The following OR2L5 variants were observed in gnomAD, a reference collection of about 807,000 sequenced individuals.
OR2L5 encodes olfactory receptor family 2 subfamily L member 5.
For missense variants in OR2L5, 413 were observed against 381.6 expected (o/e 1.08, Z -0.69); for synonymous variants, 169 against 142.0 (o/e 1.19, Z -1.35).
chr1:248,020,706 A>G (rs182805032), intron 1 of OR2L5, among the ~76,000 whole-genome samples: 19 of 152,264 alleles, frequency 1.2e-4, no homozygotes, highest in African/African-American at 4.6e-4. Flanking sequence ...ACATTTTTAG[A>G]TAGAAGAACC....
Position 248,022,990 on chromosome 1 carries a change from T to C in OR2L5, c.*104T>C. On this transcript the variant is annotated 3_prime_UTR_variant, in exon 2 of 2. Coordinates refer to ENST00000355281, the MANE Select transcript of OR2L5 (RefSeq NM_001258284.2). ...ACATGCCCAGTATGTCAAACAGAGA[T>C]TAATCCAGAATGTTTGTCTTTTAAT... 9.5e-7 allele frequency: 1 copy of C among 1,051,576 alleles called. No homozygotes were observed. Among genetic ancestry groups the C allele is most frequent in the South Asian group, 1.8e-5 (1 of 54,288 alleles). The allele number at this position is 1,051,576 out of a possible 1,614,324, so 65.1% of individuals were successfully genotyped here. A position where few individuals can be genotyped will look rare whatever the true frequency, so the allele number is the denominator to read the frequency against.
chr1:248,016,768 T>C (rs143861483), intron 1 of OR2L5, among the ~76,000 whole-genome samples: 2,099 of 152,114 alleles, frequency 0.014, 17 homozygotes, highest in Middle Eastern at 0.028. Context: ...GATATGTATG[T>C]GTGTATATAA....
In OR2L5 at chr1:248,022,560, T is replaced by C. The variant is rs1163918189; in HGVS notation, c.613T>C (p.Phe205Leu). 6.2e-7 allele frequency: 1 copy of C among 1,614,210 alleles called. No individual in the cohort carries two copies. Among genetic ancestry groups the C allele is most frequent in the African/African-American group, 1.3e-5 (1 of 75,056 alleles). ...EYTVFLSSTIFLVFPFTGIAC... is the reference protein window; with the variant it reads ...EYTVFLSSTILLVFPFTGIAC... ...CACAGTGTTTTTGAGCAGCACCATC[T>C]TTCTTGTGTTTCCCTTCACTGGCAT... Residue 205 changes from phenylalanine to leucine, a missense_variant, in exon 2 of 2, where the codon TTT becomes CTT. Coordinates refer to ENST00000355281, the MANE Select transcript of OR2L5 (RefSeq NM_001258284.2).
rs1205167273 is a variant in OR2L5, at chr1:248,023,606, C to T, written c.*720C>T. Reference sequence around the variant, plus strand: ...TTCTCTTCTGAACAATTTTTTTCTACTTACTCTTCAAAATCAGCAAGTCTA... The same window carrying T: ...TTCTCTTCTGAACAATTTTTTTCTATTTACTCTTCAAAATCAGCAAGTCTA... On this transcript the variant is annotated 3_prime_UTR_variant, in exon 2 of 2. Coordinates refer to ENST00000355281, the MANE Select transcript of OR2L5 (RefSeq NM_001258284.2). 1 of 152,178 alleles carries T rather than the reference C, an allele frequency of 6.6e-6. No homozygotes were observed. The highest frequency in any genetic ancestry group is 1.5e-5 in the Non-Finnish European group (1 of 68,036). The allele number at this position is 152,178 out of a possible 1,614,324, so 9.4% of individuals were successfully genotyped here. A position where few individuals can be genotyped will look rare whatever the true frequency, so the allele number is the denominator to read the frequency against.
rs778221178 is a variant in OR2L5, at chr1:248,021,958, A to C, written c.11A>C (p.Tyr4Ser). 17 of 1,612,404 alleles carry C rather than the reference A, an allele frequency of 1.1e-5. No individual in the cohort carries two copies. Among genetic ancestry groups the C allele is most frequent in the Non-Finnish European group, 1.4e-5 (17 of 1,178,954 alleles). MENYNQTSTDFILL... is the reference protein window; with the variant it reads MENSNQTSTDFILL... ...TCGTATGAATGCCCCATGGAAAATT[A>C]CAATCAAACGTCAACTGATTTCATC... The change falls in exon 2 of 2, where the codon TAC becomes TCC. Residue 4 changes from tyrosine to serine, a missense_variant. Transcript: ENST00000355281.
Position 248,021,975 on chromosome 1 carries a change from G to T in OR2L5, c.28G>T (p.Asp10Tyr), listed in dbSNP as rs750421804. Residue 10 changes from aspartate (D) to tyrosine (Y), a missense_variant, in exon 2 of 2, where the codon GAT (aspartate) becomes TAT (tyrosine). Asp to Tyr is a radical substitution (Grantham distance 160). Coordinates refer to ENST00000355281, the MANE Select transcript of OR2L5 (RefSeq NM_001258284.2). MENYNQTSTDFILLGLFPPS... is the reference protein window; with the variant it reads MENYNQTSTYFILLGLFPPS... ...GGAAAATTACAATCAAACGTCAACT[G>T]ATTTCATCTTATTGGGGCTGTTCCC... 1.1e-5 allele frequency: 17 copies of T among 1,613,450 alleles called. No homozygotes were observed. Among genetic ancestry groups the T allele is most frequent in the Non-Finnish European group, 1.4e-5 (17 of 1,179,722 alleles).
At chr1:248,015,357 C>T (rs933212492) in intron 1 of OR2L5, among the ~76,000 whole-genome samples, 2 of 152,112 alleles carry the variant, frequency 1.3e-5, no homozygotes, top group Non-Finnish European at 1.5e-5. Flanking sequence ...GCCGTCCTTG[C>T]CTATACTCCG....
intron 1 of OR2L5, among the ~76,000 whole-genome samples, chr1:248,018,124 C>T (rs971152720): frequency 2.0e-5 from 3 of 147,932 alleles, no homozygotes; most frequent in Admixed American, 1.3e-4. Flanking sequence ...CACTGCACTC[C>T]AGCCTAGGCG....
intron 1 of OR2L5, among the ~76,000 whole-genome samples, chr1:248,018,950 A>T (rs1353218125): frequency 6.6e-6 from 1 of 152,182 alleles, no homozygotes; most frequent in Non-Finnish European, 1.5e-5. Context: ...ATCAAAGTTC[A>T]TCTATGTTGT....
chr1:248,022,130 G>C lies in OR2L5; in HGVS notation c.183G>C (p.Leu61=). ...ATCTCCACACACCCATGTATTTCCT[G>C]CTTAGTCAGCTCTCCCTCATTGACC... The part of the protein sequence containing the change: ...DTHLHTPMYF[L]LSQLSLIDLN... Residue 61 remains leucine, a synonymous_variant, in exon 2 of 2, where the codon CTG becomes CTC. Transcript: ENST00000355281. The C allele has an allele frequency of 6.2e-7, 1 of 1,613,834 alleles. No homozygotes were observed. Among genetic ancestry groups the C allele is most frequent in the East Asian group, 2.2e-5 (1 of 44,866 alleles).
chr1:248,013,835 G>A (rs930509650), intron 1 of OR2L5, 97 bp downstream of exon 1: 1 of 152,158 alleles, frequency 6.6e-6, no homozygotes, highest in African/African-American at 2.4e-5. Context: ...AAATCGAACT[G>A]AAGTTTGAGC....
chr1:248,015,907 G>C (rs74153005), intron 1 of OR2L5, among the ~76,000 whole-genome samples: 4,791 of 152,108 alleles, frequency 0.031, 231 homozygotes, highest in African/African-American at 0.11. Flanking sequence ...AAAATATAGG[G>C]AAAATAAATC....
intron 1 of OR2L5, among the ~76,000 whole-genome samples, chr1:248,019,764 CTTCTTT>C (rs1662291933): frequency 1.3e-5 from 2 of 148,470 alleles, no homozygotes; most frequent in African/African-American, 5.1e-5. Flanking sequence ...CCTTCTTCTT[CTTCTTT>C]GTCTTGTTCT....
At chr1:248,017,791 C>T (rs983000247) in intron 1 of OR2L5, among the ~76,000 whole-genome samples, 90 of 152,184 alleles carry the variant, frequency 5.9e-4, no homozygotes, top group African/African-American at 2.2e-3. Flanking sequence ...TGATTTGCTT[C>T]GTGATTCCGT....
chr1:248,022,037 T>C lies in OR2L5; in HGVS notation c.90T>C (p.Phe30=), dbSNP rs61748759. ...TTGGCCTTTTCCTCTTCATTCTCTTTGTTCTCATTTTCCTAATGGCTCTAA... is the reference window on the plus strand; with the variant it reads ...TTGGCCTTTTCCTCTTCATTCTCTTCGTTCTCATTTTCCTAATGGCTCTAA... The part of the protein sequence containing the change: ...SKIGLFLFIL[F]VLIFLMALIG... The change falls in exon 2 of 2, where the codon TTT becomes TTC. Residue 30 remains phenylalanine (F), a synonymous_variant. Coordinates refer to ENST00000355281, the MANE Select transcript of OR2L5 (RefSeq NM_001258284.2). The C allele has an allele frequency of 5.7e-3, 9,271 of 1,613,946 alleles. 416 individuals are homozygous for C. In the African/African-American group the frequency reaches 0.11, roughly 19 times the overall value.
In OR2L5 at chr1:248,022,769, T is replaced by A; in HGVS notation, c.822T>A (p.Ala274=). The change falls in exon 2 of 2, where the codon GCT becomes GCA. Residue 274 remains alanine (A), a synonymous_variant. Coordinates refer to ENST00000355281, the MANE Select transcript of OR2L5 (RefSeq NM_001258284.2). The part of the protein sequence containing the change: ...LRSLTEDKVL[A]VFYTILTPML... ...CTCTGACAGAGGACAAGGTTCTGGCTGTTTTCTACACCATCCTCACCCCAA... is the reference window on the plus strand; with the variant it reads ...CTCTGACAGAGGACAAGGTTCTGGCAGTTTTCTACACCATCCTCACCCCAA... 5.0e-6 allele frequency: 8 copies of A among 1,614,084 alleles called. No individual in the cohort carries two copies. The highest frequency in any genetic ancestry group is 6.8e-6 in the Non-Finnish European group (8 of 1,180,006).
chr1:248,022,534 A>C lies in OR2L5; in HGVS notation c.587A>C (p.Tyr196Ser). Residue 196 changes from tyrosine (Y) to serine (S), a missense_variant, in exon 2 of 2, where the codon TAC (tyrosine) becomes TCC (serine). Transcript: ENST00000355281. ...LACTDTWVYE[Y>S]TVFLSSTIFL... ...TGTACAGACACCTGGGTCTATGAGTACACAGTGTTTTTGAGCAGCACCATC... is the reference window on the plus strand; with the variant it reads ...TGTACAGACACCTGGGTCTATGAGTCCACAGTGTTTTTGAGCAGCACCATC... 6.2e-7 allele frequency: 1 copy of C among 1,614,176 alleles called. No homozygotes were observed. Among genetic ancestry groups the C allele is most frequent in the Non-Finnish European group, 8.5e-7 (1 of 1,180,026 alleles).
intron 1 of OR2L5, among the ~76,000 whole-genome samples, 192 bp from the exon 2 acceptor site, chr1:248,021,735 T>C (rs546060477): frequency 6.6e-6 from 1 of 152,336 alleles, no homozygotes; most frequent in South Asian, 2.1e-4. Context: ...TATTTGCAGC[T>C]ATTTTTGTTA....
At chr1:248,014,888 G>A (rs976556044) in intron 1 of OR2L5, among the ~76,000 whole-genome samples, 1 of 152,092 alleles carries the variant, frequency 6.6e-6, no homozygotes, top group Non-Finnish European at 1.5e-5. Context: ...GTATTAAACC[G>A]AGTCTCTTTC....
Sources: gnomAD v4.1 joint callset for allele counts (sites outside exome capture counted in the v4.1 genomes callset) on GRCh38, gnomAD v4.1.1 for gene constraint, MANE v1.5 for transcripts, NCBI Gene and HGNC (gene_info 2026-07-23, HGNC 2026-07-21) for gene names.